The following MSRA variants were observed in gnomAD, a reference collection of about 807,000 sequenced individuals.
The protein encoded by MSRA is methionine sulfoxide reductase A.
MSRA carries 54 observed loss-of-function variants against 31.3 expected under a neutral mutation model. The observed-to-expected ratio is 1.73, with a 90% CI of 1.39 to 2.17. The LOEUF (loss-of-function observed/expected upper bound fraction) is 2.17. Among genes scored for constraint, MSRA ranks in the 30% most tolerant of loss-of-function variants. The probability of loss-of-function intolerance (pLI) is 0.00; values close to 1 mark genes in which losing one functional copy is unlikely to be tolerated. For synonymous variants in MSRA, 169 were observed against 116.5 expected (o/e 1.45, Z -2.90); for missense variants, 507 against 300.9 (o/e 1.69, Z -5.07).
chr8:10,129,337 C>G (rs1040620702), intron 1 of MSRA, among the ~76,000 whole-genome samples: 3 of 152,096 alleles, frequency 2.0e-5, no homozygotes, highest in Non-Finnish European at 4.4e-5. Flanking sequence ...GGCTCTCCTA[C>G]TTGGAAAATG....
intron 3 of MSRA, among the ~76,000 whole-genome samples, chr8:10,284,088 T>G (rs1222682787): frequency 6.6e-6 from 1 of 152,054 alleles, no homozygotes; most frequent in Non-Finnish European, 1.5e-5. Flanking sequence ...CTGTTTTCCA[T>G]AGTGGTTGTA....
At chr8:10,286,923 G>T (rs1325935273) in intron 3 of MSRA, among the ~76,000 whole-genome samples, 2 of 152,204 alleles carry the variant, frequency 1.3e-5, no homozygotes, top group African/African-American at 2.4e-5. Context: ...TACCTTTTTG[G>T]CGTTTTTATT....
intron 1 of MSRA, among the ~76,000 whole-genome samples, chr8:10,169,539 A>C (rs1480430711): frequency 6.6e-6 from 1 of 152,346 alleles, no homozygotes; most frequent in East Asian, 1.9e-4. Flanking sequence ...ATTGGCAAAA[A>C]TCTCTGTGAC....
chr8:10,386,050 G>C (rs1806370164), intron 5 of MSRA, among the ~76,000 whole-genome samples: 1 of 152,200 alleles, frequency 6.6e-6, no homozygotes, highest in African/African-American at 2.4e-5. Context: ...ATGGATGGCA[G>C]TCTCGTCAAT....
At chr8:10,137,666 C>T (rs1279899478) in intron 1 of MSRA, among the ~76,000 whole-genome samples, 1 of 152,130 alleles carries the variant, frequency 6.6e-6, no homozygotes, top group Non-Finnish European at 1.5e-5. Flanking sequence ...CACTTCCTAA[C>T]AGTGTTCTGA....
intron 3 of MSRA, among the ~76,000 whole-genome samples, chr8:10,276,628 A>G (rs1461331272): frequency 6.6e-6 from 1 of 152,090 alleles, no homozygotes; most frequent in Non-Finnish European, 1.5e-5. Context: ...ATAACATCTC[A>G]TCATTTGGAG....
Position 10,286,168 on chromosome 8 carries a change from A to C in MSRA, c.332-15366A>C, listed in dbSNP as rs893932245. On this transcript the variant is annotated intron_variant, in intron 3 of 5. Transcript: ENST00000317173. ...CTGTGTTATGGTGCTCGTCATTTTC[A>C]ACATCTGAAGCACTCTTACCTCTAC... Among the ~76,000 whole-genome samples, 11 of 152,096 alleles carry C rather than the reference A, an allele frequency of 7.2e-5. 1 individual carries two copies. The highest frequency in any genetic ancestry group is 1.3e-4 in the Admixed American group (2 of 15,258).
At chr8:10,166,354 A>C (rs1315522076) in intron 1 of MSRA, among the ~76,000 whole-genome samples, 2 of 152,172 alleles carry the variant, frequency 1.3e-5, no homozygotes, top group Non-Finnish European at 2.9e-5. Flanking sequence ...TTGTGTTTGC[A>C]TAACTGCATG....
At chr8:10,213,233 T>A (rs1270125604) in intron 2 of MSRA, among the ~76,000 whole-genome samples, 1 of 152,096 alleles carries the variant, frequency 6.6e-6, no homozygotes, top group Non-Finnish European at 1.5e-5. Flanking sequence ...ATCATTCTAC[T>A]CTCATCTCCA....
intron 5 of MSRA, among the ~76,000 whole-genome samples, chr8:10,396,867 G>C (rs538017463): frequency 1.3e-5 from 2 of 152,308 alleles, no homozygotes; most frequent in East Asian, 1.9e-4. Flanking sequence ...CCTTCCCTGA[G>C]CCTCCCAGCC....
At chr8:10,262,757 G>T (rs1184129912) in intron 3 of MSRA, among the ~76,000 whole-genome samples, 3 of 152,184 alleles carry the variant, frequency 2.0e-5, no homozygotes. Context: ...AAGGTGAATT[G>T]CAGGCCTCCA....
intron 5 of MSRA, among the ~76,000 whole-genome samples, chr8:10,423,005 A>G (rs895654894): frequency 1.3e-5 from 2 of 152,166 alleles, no homozygotes; most frequent in Non-Finnish European, 2.9e-5. Context: ...TCTGTCCAGC[A>G]CAGTGTTTCT....
chr8:10,216,940 C>T (rs776146596), intron 2 of MSRA, among the ~76,000 whole-genome samples: 1 of 152,214 alleles, frequency 6.6e-6, no homozygotes, highest in Non-Finnish European at 1.5e-5. Context: ...ATTGCTGGAG[C>T]ATATGGTAAT....
intron 5 of MSRA, among the ~76,000 whole-genome samples, chr8:10,413,495 G>GA (rs1168433496): frequency 1.3e-5 from 2 of 151,616 alleles, no homozygotes; most frequent in Admixed American, 6.6e-5. Context: ...TGATTTTCAA[G>GA]AAAAAAATAT....
At chr8:10,344,176 C>T (rs1192382918) in intron 5 of MSRA, among the ~76,000 whole-genome samples, 2 of 152,168 alleles carry the variant, frequency 1.3e-5, no homozygotes, top group Non-Finnish European at 2.9e-5. Flanking sequence ...TCATATCGTC[C>T]TTTGTACTAA....
At position 10,298,867 on chromosome 8, in the gene MSRA, G is replaced by A. The variant is rs569870296; in HGVS notation, c.332-2667G>A. Among the ~76,000 whole-genome samples, 6 of 152,244 alleles carry A rather than the reference G, an allele frequency of 3.9e-5. No homozygotes were observed. The South Asian group carries it at 6.2e-4, about 16-fold the overall frequency. On this transcript the variant is annotated intron_variant, in intron 3 of 5. Coordinates refer to ENST00000317173, the MANE Select transcript of MSRA (RefSeq NM_012331.5). ...ATGACAGAGTGAATTTTTTGTGCAT[G>A]TATATATCTTTTCTATTAGTTGAAG...
At chr8:10,179,432 C>T (rs1431111356) in intron 1 of MSRA, among the ~76,000 whole-genome samples, 1 of 152,114 alleles carries the variant, frequency 6.6e-6, no homozygotes, top group Non-Finnish European at 1.5e-5. Context: ...GAGAGTCGAT[C>T]ATTTATAATT....
At chr8:10,403,521 T>C (rs1353529542) in intron 5 of MSRA, among the ~76,000 whole-genome samples, 1 of 152,102 alleles carries the variant, frequency 6.6e-6, no homozygotes, top group Non-Finnish European at 1.5e-5. Flanking sequence ...CCGCTGGGGC[T>C]CTGGAGGTGC....
chr8:10,063,733 C>T (rs1185903987), intron 1 of MSRA, among the ~76,000 whole-genome samples: 1 of 152,224 alleles, frequency 6.6e-6, no homozygotes, highest in Non-Finnish European at 1.5e-5. Flanking sequence ...AGAATTTGGG[C>T]TCTCACCAGA....
Sources: allele counts gnomAD v4.1 joint callset (sites outside exome capture counted in the v4.1 genomes callset), GRCh38; gene constraint gnomAD v4.1.1; transcripts MANE v1.5; gene names NCBI Gene and HGNC (gene_info 2026-07-23, HGNC 2026-07-21).